The following NOVA2 variants were observed in gnomAD, a reference collection of about 807,000 sequenced individuals.
NOVA2 encodes RNA-binding protein Nova-2.
Under a neutral mutation model 22.5 loss-of-function variants are expected in NOVA2, and 9 were observed. That is an observed-to-expected ratio of 0.40 (90% CI 0.24 to 0.70). The LOEUF (loss-of-function observed/expected upper bound fraction) is 0.70. NOVA2 is among the 30% of genes least tolerant of loss of function. The pLI is 0.38. For missense variants in NOVA2, 383 were observed against 682.8 expected, an observed-to-expected ratio of 0.56 and a Z score of 4.89; for synonymous variants, 318 against 335.2, an observed-to-expected ratio of 0.95 and a Z score of 0.56.
At chr19:45,964,179 C>CTT (rs10555207) in intron 1 of NOVA2, among the ~76,000 whole-genome samples, 25 of 106,938 alleles carry the variant, frequency 2.3e-4, no homozygotes, top group Admixed American at 1.2e-3. Flanking sequence ...TTTTCTTTTT[C>CTT]TTTTTTTTTT....
At position 45,935,840 on chromosome 19, in the gene NOVA2, G is replaced by A. The variant is rs1184145957; in HGVS notation, c.*4023C>T. 2 of 152,228 alleles carry A rather than the reference G, an allele frequency of 1.3e-5. No homozygotes were observed. Among genetic ancestry groups the A allele is most frequent in the Non-Finnish European group, 2.9e-5 (2 of 68,052 alleles). The allele number at this position is 152,228 out of a possible 1,614,324, so 9.4% of individuals were successfully genotyped here. On this transcript the variant is annotated 3_prime_UTR_variant, in exon 4 of 4. Coordinates refer to ENST00000263257, the MANE Select transcript of NOVA2 (RefSeq NM_002516.4). ...ATATTGAAGGATTTGGTGGTCCAGA[G>A]GGGAGAGGAAATACACCTCGGAGAT...
rs886724752 is a variant in NOVA2, at chr19:45,936,607, A to G, written c.*3256T>C. On this transcript the variant is annotated 3_prime_UTR_variant, in exon 4 of 4. Transcript: ENST00000263257. Reference sequence around the variant, plus strand: ...GGGAAATTGGGGAGAGAGAGTTGAGACATTTGAGGAAAGGAGGAAGACAGA... The same window carrying G: ...GGGAAATTGGGGAGAGAGAGTTGAGGCATTTGAGGAAAGGAGGAAGACAGA... 6.6e-6 allele frequency: 1 copy of G among 150,634 alleles called. No homozygotes were observed. Among genetic ancestry groups the G allele is most frequent in the African/African-American group, 2.4e-5 (1 of 40,874 alleles). The allele number at this position is 150,634 out of a possible 1,614,324, so 9.3% of individuals were successfully genotyped here.
At position 45,959,821 on chromosome 19, in the gene NOVA2, G is replaced by GGAGAGAGAGAGAGAGA. The variant is rs146270704; in HGVS notation, c.229+1173_229+1188dup. 3.7e-5 allele frequency among the ~76,000 whole-genome samples: 5 copies of GGAGAGAGAGAGAGAGA among 136,644 alleles called. No individual in the cohort carries two copies. The East Asian group carries it at 6.3e-4, about 17-fold the overall frequency. 89.6% of individuals were successfully genotyped at this position (136,644 alleles called of 152,430 possible). On this transcript the variant is annotated intron_variant, in intron 2 of 3. Coordinates refer to ENST00000263257, the MANE Select transcript of NOVA2 (RefSeq NM_002516.4). ...TGGGGAGAGAGAGAGAGACAGAGAGGGAGAGAGAGAGAGAGAGAGAGAAAG... is the reference window on the plus strand; with the variant it reads ...TGGGGAGAGAGAGAGAGACAGAGAGGGAGAGAGAGAGAGAGAGAGAGAGAGAGAGAGAGAGAGAAAG...
At chr19:45,965,911 G>C (rs1446494838) in intron 1 of NOVA2, among the ~76,000 whole-genome samples, 1 of 152,188 alleles carries the variant, frequency 6.6e-6, no homozygotes, top group Non-Finnish European at 1.5e-5. Context: ...GATGGTCCCA[G>C]GCACATAGAA....
intron 1 of NOVA2, among the ~76,000 whole-genome samples, chr19:45,971,139 T>A (rs1055790723): frequency 6.6e-6 from 1 of 152,200 alleles, no homozygotes; most frequent in African/African-American, 2.4e-5. Context: ...AAATCATGTC[T>A]CCCAGGGGTT....
chr19:45,943,713 G>A (rs1446845780), intron 3 of NOVA2, among the ~76,000 whole-genome samples: 9 of 144,912 alleles, frequency 6.2e-5, no homozygotes, highest in African/African-American at 2.3e-4. Flanking sequence ...GTGAAACCCT[G>A]ACTCAAAAAA....
rs1310029426 is a variant in NOVA2, at chr19:45,936,355, T to G, written c.*3508A>C. 1 of 151,398 alleles carries G rather than the reference T, an allele frequency of 6.6e-6. No individual in the cohort carries two copies. The highest frequency in any genetic ancestry group is 1.5e-5 in the Non-Finnish European group (1 of 67,888). 9.4% of individuals were successfully genotyped at this position (151,398 alleles called of 1,614,324 possible). A position where few individuals can be genotyped will look rare whatever the true frequency, so the allele number is the denominator to read the frequency against. Reference sequence around the variant, plus strand: ...ATAGGGGTAAGTTGAAAAGGAGAGCTTTTTTCTGTCTTTTTTTTTTTTTCT... The same window carrying G: ...ATAGGGGTAAGTTGAAAAGGAGAGCGTTTTTCTGTCTTTTTTTTTTTTTCT... On this transcript the variant is annotated 3_prime_UTR_variant, in exon 4 of 4. Coordinates refer to ENST00000263257, the MANE Select transcript of NOVA2 (RefSeq NM_002516.4).
In NOVA2 at chr19:45,960,813, C is replaced by T. The variant is rs549823143; in HGVS notation, c.229+197G>A. 3.3e-5 allele frequency among the ~76,000 whole-genome samples: 5 copies of T among 152,302 alleles called. No homozygotes were observed. The South Asian group carries it at 1.0e-3, about 32-fold the overall frequency. ...ATATGCAGCAGGCCCGTTGTCTTGC[C>T]CTGCCCCCACCCCCATCTGCTCGGC... is the stretch of plus-strand genomic sequence containing the variant. On this transcript the variant is annotated intron_variant, in intron 2 of 3. Coordinates refer to ENST00000263257, the MANE Select transcript of NOVA2 (RefSeq NM_002516.4).
intron 1 of NOVA2, among the ~76,000 whole-genome samples, chr19:45,963,200 G>C (rs947480445): frequency 3.3e-5 from 5 of 152,076 alleles, no homozygotes; most frequent in African/African-American, 1.2e-4. Context: ...CCAACATAGT[G>C]AAACTCCGTC....
rs1055218430 is a variant in NOVA2, at chr19:45,934,803, T to G, written c.*5060A>C. The G allele has an allele frequency of 1.4e-5, 2 of 142,726 alleles. No individual in the cohort carries two copies. Among genetic ancestry groups the G allele is most frequent in the Admixed American group, 7.6e-5 (1 of 13,100 alleles). The allele number at this position is 142,726 out of a possible 1,614,324, so 8.8% of individuals were successfully genotyped here. On this transcript the variant is annotated 3_prime_UTR_variant, in exon 4 of 4. Transcript: ENST00000263257. ...GACAAAGCCAAATAGCATAGATATT[T>G]ATAGAGGATGTCAATCCCCAGGGTG... is the stretch of plus-strand genomic sequence containing the variant.
At chr19:45,960,126 G>A (rs2146421930) in intron 2 of NOVA2, among the ~76,000 whole-genome samples, 1 of 151,924 alleles carries the variant, frequency 6.6e-6, no homozygotes, top group Non-Finnish European at 1.5e-5. Context: ...AGGCAGAAAA[G>A]GGACTGGGTT....
intron 3 of NOVA2, among the ~76,000 whole-genome samples, chr19:45,946,365 G>A (rs1014776968): frequency 6.6e-6 from 1 of 152,288 alleles, no homozygotes; most frequent in East Asian, 1.9e-4. Context: ...ACAATCAAAT[G>A]CAAAGCACGA....
At chr19:45,943,053 CTTTTTT>C (rs58123743) in intron 3 of NOVA2, among the ~76,000 whole-genome samples, 1 of 117,598 alleles carries the variant, frequency 8.5e-6, no homozygotes, top group African/African-American at 3.3e-5. Flanking sequence ...TATATGTCTA[CTTTTTT>C]TTTTTTTTTT....
At position 45,973,314 on chromosome 19, in the gene NOVA2, AG is replaced by A; in HGVS notation, c.37del (p.Leu13SerfsTer23). The part of the protein sequence containing the change: ...PEAPDSRKRP[L>X]ETPPEVVCTK... Reference sequence around the variant, plus strand: ...GCAGACCACCTCGGGGGGCGTTTCGAGGGGCCTCTTGCGGGAATCCGGGGCC... The same window carrying A: ...GCAGACCACCTCGGGGGGCGTTTCGAGGGCCTCTTGCGGGAATCCGGGGCC... On this transcript the variant is annotated frameshift_variant, in exon 1 of 4. Coordinates refer to ENST00000263257, the MANE Select transcript of NOVA2 (RefSeq NM_002516.4). LOFTEE classifies it high-confidence loss of function. 7.6e-7 allele frequency: 1 copy of A among 1,307,576 alleles called. No individual in the cohort carries two copies. The highest frequency in any genetic ancestry group is 9.8e-7 in the Non-Finnish European group (1 of 1,021,890). The allele number at this position is 1,307,576 out of a possible 1,614,324, so 81.0% of individuals were successfully genotyped here. A position where few individuals can be genotyped will look rare whatever the true frequency, so the allele number is the denominator to read the frequency against.
At chr19:45,950,887 T>C (rs944760462) in intron 3 of NOVA2, among the ~76,000 whole-genome samples, 6 of 152,114 alleles carry the variant, frequency 3.9e-5, no homozygotes, top group African/African-American at 1.4e-4. Flanking sequence ...ATTTTCTAGA[T>C]TGGGAAATGG....
At position 45,971,527 on chromosome 19, in the gene NOVA2, C is replaced by T. The variant is rs78667726; in HGVS notation, c.85+1740G>A. ...CCTTTCCTCCAATTTCTGCTGGACA[C>T]CCTCACAGGCATCCAGGGGGTCCCT... On this transcript the variant is annotated intron_variant, in intron 1 of 3. Transcript: ENST00000263257. 8.3e-3 allele frequency among the ~76,000 whole-genome samples: 1,256 copies of T among 152,234 alleles called. 17 individuals are homozygous for T. Among genetic ancestry groups the T allele is most frequent in the African/African-American group, 0.028 (1,174 of 41,538 alleles).
intron 2 of NOVA2, among the ~76,000 whole-genome samples, chr19:45,957,470 C>T (rs1968021765): frequency 1.4e-5 from 2 of 145,598 alleles, no homozygotes; most frequent in Admixed American, 6.9e-5. Context: ...ACCTGGGAGG[C>T]GGAGGTTGCA....
At chr19:45,941,309 AATAT>A (rs4039577) in intron 3 of NOVA2, among the ~76,000 whole-genome samples, 42 of 129,768 alleles carry the variant, frequency 3.2e-4, no homozygotes, top group East Asian at 3.1e-3. Context: ...AAAATAAAAT[AATAT>A]ATATATATAT....
At chr19:45,950,245 G>A (rs1335195912) in intron 3 of NOVA2, among the ~76,000 whole-genome samples, 1 of 149,486 alleles carries the variant, frequency 6.7e-6, no homozygotes. Flanking sequence ...TGCAGCCTCC[G>A]CCTCCCAGGT....
Sources: gnomAD v4.1 joint callset for allele counts (sites outside exome capture counted in the v4.1 genomes callset) on GRCh38, gnomAD v4.1.1 for gene constraint, MANE v1.5 for transcripts, NCBI Gene and HGNC (gene_info 2026-07-23, HGNC 2026-07-21) for gene names.